The following MAPK1IP1L variants were observed in gnomAD, a reference collection of about 807,000 sequenced individuals.
MAPK1IP1L encodes the protein mitogen-activated protein kinase 1 interacting protein 1 like, also known as MAPK-interacting and spindle-stabilizing protein-like.
A neutral mutation model predicts 18.1 loss-of-function variants in MAPK1IP1L; 10 were observed. The ratio of observed to expected loss-of-function variants is 0.55; its 90% CI spans 0.34 to 0.94. The LOEUF (loss-of-function observed/expected upper bound fraction) is 0.94. MAPK1IP1L is among the 40% of genes least tolerant of loss of function. MAPK1IP1L has a pLI of 0.02. For synonymous variants in MAPK1IP1L, 115 were observed against 117.3 expected, an observed-to-expected ratio of 0.98 and a Z score of 0.13; for missense variants, 260 against 318.2, an observed-to-expected ratio of 0.82 and a Z score of 1.39.
Position 55,064,672 on chromosome 14 carries a change from T to A in MAPK1IP1L, c.*45T>A, listed in dbSNP as rs1193053857. 3 of 1,595,334 alleles carry A rather than the reference T, an allele frequency of 1.9e-6. No individual in the cohort carries two copies. The East Asian group carries it at 6.7e-5, about 36-fold the overall frequency. On this transcript the variant is annotated 3_prime_UTR_variant, in exon 4 of 4. Transcript: ENST00000395468. ...ATGACGCTTTGCTTTTTGAAGTACA[T>A]GTATATGCACATGAATGCATATATA...
intron 1 of MAPK1IP1L, among the ~76,000 whole-genome samples, chr14:55,054,043 T>C (rs977648861): frequency 2.6e-5 from 4 of 152,110 alleles, no homozygotes; most frequent in Admixed American, 6.6e-5. Flanking sequence ...ATGGTGGCAC[T>C]CAAAAAGATT....
At position 55,069,196 on chromosome 14, in the gene MAPK1IP1L, T is replaced by G. The variant is rs1413667594; in HGVS notation, c.*4569T>G. The stretch of plus-strand genomic sequence containing the variant: ...CATTAAGTGAACTTGACTTCTTATG[T>G]GTGCTCTATGAGTTTGTTGTAATTT... On this transcript the variant is annotated 3_prime_UTR_variant, in exon 4 of 4. Coordinates refer to ENST00000395468, the MANE Select transcript of MAPK1IP1L (RefSeq NM_144578.4). The G allele has an allele frequency of 2.0e-5, 3 of 152,500 alleles. No homozygotes were observed. The highest frequency in any genetic ancestry group is 7.2e-5 in the African/African-American group (3 of 41,448). 9.4% of individuals were successfully genotyped at this position (152,500 alleles called of 1,614,324 possible). A position where few individuals can be genotyped will look rare whatever the true frequency, so the allele number is the denominator to read the frequency against.
chr14:55,054,138 T>TA lies in MAPK1IP1L; in HGVS notation c.-5+2340dup, dbSNP rs529054323. Among the ~76,000 whole-genome samples the TA allele has an allele frequency of 3.3e-5, 5 of 150,996 alleles. No individual in the cohort carries two copies. In the East Asian group the frequency reaches 9.7e-4, roughly 29 times the overall value. On this transcript the variant is annotated intron_variant, in intron 1 of 3. Coordinates refer to ENST00000395468, the MANE Select transcript of MAPK1IP1L (RefSeq NM_144578.4). ...CATAAGCAGATAAATGAGCCAATAC[T>TA]AAAAACTAGCATGTATTCTAATTTA...
At chr14:55,060,968 G>T (rs529397330) in intron 1 of MAPK1IP1L, among the ~76,000 whole-genome samples, 1 of 152,224 alleles carries the variant, frequency 6.6e-6, no homozygotes, top group South Asian at 2.1e-4. Context: ...TGAGACACCT[G>T]TCTCTGCAAT....
At chr14:55,056,731 A>AAACTCCTGGCTAACTGACTTCGTG (rs1243029406) in intron 1 of MAPK1IP1L, among the ~76,000 whole-genome samples, 1 of 152,024 alleles carries the variant, frequency 6.6e-6, no homozygotes, top group East Asian at 1.9e-4. Flanking sequence ...GGATGGTCTC[A>AAACTCCTGGCTAACTGACTTCGTG]ATCTCCTGAC....
At position 55,062,707 on chromosome 14, in the gene MAPK1IP1L, C is replaced by A. The variant is rs778795479; in HGVS notation, c.108C>A (p.Gly36=). ...KPGQPPQGWP[G]SNPWNNPSAP... ...GCCAACCTCCTCAAGGCTGGCCAGG[C>A]TCCAACCCTTGGAATAATCCGAGTG... is the stretch of plus-strand genomic sequence containing the variant. Residue 36 remains glycine (G), a synonymous_variant, in exon 3 of 4, where the codon GGC becomes GGA. Transcript: ENST00000395468. The A allele has an allele frequency of 3.1e-6, 5 of 1,614,094 alleles. No homozygotes were observed. Among genetic ancestry groups the A allele is most frequent in the African/African-American group, 1.3e-5 (1 of 74,942 alleles).
chr14:55,063,335 CAATTT>C lies in MAPK1IP1L; in HGVS notation c.726+11_726+15del. ...GCCTGGTGGCCCCCATGTGAGTGTT[CAATTT>C]GTTATTTAAAGTGTACTAATTGTAC... is the stretch of plus-strand genomic sequence containing the variant. On this transcript the variant is annotated intron_variant, in intron 3 of 3. Coordinates refer to ENST00000395468, the MANE Select transcript of MAPK1IP1L (RefSeq NM_144578.4). 6.3e-7 allele frequency: 1 copy of C among 1,587,096 alleles called. No individual in the cohort carries two copies. Among genetic ancestry groups the C allele is most frequent in the Non-Finnish European group, 8.6e-7 (1 of 1,162,668 alleles).
At chr14:55,055,883 TCA>T (rs2042767525) in intron 1 of MAPK1IP1L, among the ~76,000 whole-genome samples, 1 of 152,160 alleles carries the variant, frequency 6.6e-6, no homozygotes, top group Non-Finnish European at 1.5e-5. Flanking sequence ...TGAGTCAAGA[TCA>T]CACTACTGCA....
chr14:55,063,193 C>T lies in MAPK1IP1L; in HGVS notation c.594C>T (p.Ala198=), dbSNP rs114757196. ...PVPWGTVPPG[A]WGPPAPYPAP... is the part of the protein sequence containing the mutation. ...CATGGGGCACCGTTCCACCAGGAGCCTGGGGACCACCAGCACCATATCCTG... is the reference window on the plus strand; with the variant it reads ...CATGGGGCACCGTTCCACCAGGAGCTTGGGGACCACCAGCACCATATCCTG... Residue 198 remains alanine, a synonymous_variant, in exon 3 of 4, where the codon GCC becomes GCT. Transcript: ENST00000395468. 1.2e-6 allele frequency: 2 copies of T among 1,614,170 alleles called. No individual in the cohort carries two copies. Among genetic ancestry groups the T allele is most frequent in the Non-Finnish European group, 1.7e-6 (2 of 1,180,036 alleles).
rs1032501893 is a variant in MAPK1IP1L at position 55,067,320 on chromosome 14, A to G, written c.*2693A>G. 1 of 151,964 alleles carries G rather than the reference A, an allele frequency of 6.6e-6. No individual in the cohort carries two copies. Among genetic ancestry groups the G allele is most frequent in the Non-Finnish European group, 1.5e-5 (1 of 68,002 alleles). 9.4% of individuals were successfully genotyped at this position (151,964 alleles called of 1,614,324 possible). Reference sequence around the variant, plus strand: ...TCAATTCTTGTTGGCATTCTGGGCCAAAATATTTCAGGTTGGTTCGGTGTG... The same window carrying G: ...TCAATTCTTGTTGGCATTCTGGGCCGAAATATTTCAGGTTGGTTCGGTGTG... On this transcript the variant is annotated 3_prime_UTR_variant, in exon 4 of 4. Transcript: ENST00000395468.
rs1208603468 is a variant in MAPK1IP1L, at chr14:55,062,926, C to T, written c.327C>T (p.Gly109=). 9.3e-6 allele frequency: 15 copies of T among 1,613,920 alleles called. No individual in the cohort carries two copies. The highest frequency in any genetic ancestry group is 1.7e-5 in the Admixed American group (1 of 59,990). The change falls in exon 3 of 4, where the codon GGC becomes GGT. Residue 109 remains glycine, a synonymous_variant. Coordinates refer to ENST00000395468, the MANE Select transcript of MAPK1IP1L (RefSeq NM_144578.4). ...CTTATCCAGCCCCAACTGTGCCGGG[C>T]CCTGGCCCCACAGGGCCATATCCTA... The part of the protein sequence containing the change: ...GGPYPAPTVP[G]PGPTGPYPTP...
At chr14:55,054,978 A>G (rs1474531589) in intron 1 of MAPK1IP1L, among the ~76,000 whole-genome samples, 3 of 152,270 alleles carry the variant, frequency 2.0e-5, no homozygotes, top group Non-Finnish European at 4.4e-5. Flanking sequence ...TAAAATGGTA[A>G]CAAAGTTTTG....
At chr14:55,062,482 G>T in intron 2 of MAPK1IP1L, 136 bp from the exon 3 acceptor site, 2 of 712,890 alleles carry the variant, frequency 2.8e-6, no homozygotes, top group South Asian at 4.1e-5. Flanking sequence ...TTTTTTAAAT[G>T]ACTAGCTTAG....
chr14:55,052,122 C>A (rs1190410193), intron 1 of MAPK1IP1L, among the ~76,000 whole-genome samples: 2 of 149,164 alleles, frequency 1.3e-5, no homozygotes, highest in East Asian at 4.0e-4. Flanking sequence ...GCCGGCCCCT[C>A]CCCCACCCCT....
chr14:55,052,778 A>C (rs2042741182), intron 1 of MAPK1IP1L, among the ~76,000 whole-genome samples: 1 of 152,242 alleles, frequency 6.6e-6, no homozygotes, highest in Non-Finnish European at 1.5e-5. Flanking sequence ...CCCACAATGC[A>C]AAGCGAGTTT....
chr14:55,068,903 T>C lies in MAPK1IP1L; in HGVS notation c.*4276T>C, dbSNP rs906232805. 6 of 152,234 alleles carry C rather than the reference T, an allele frequency of 3.9e-5. No homozygotes were observed. The highest frequency in any genetic ancestry group is 1.4e-4 in the African/African-American group (6 of 41,456). 9.4% of individuals were successfully genotyped at this position (152,234 alleles called of 1,614,324 possible). On this transcript the variant is annotated 3_prime_UTR_variant, in exon 4 of 4. Transcript: ENST00000395468. ...AGTCTATAAGTAACATTACAGAATT[T>C]GTTAGCATACCCATTCATTATTAGT...
Position 55,067,910 on chromosome 14 carries a change from A to T in MAPK1IP1L, c.*3283A>T, listed in dbSNP as rs2042877448. The T allele has an allele frequency of 6.6e-6, 1 of 152,188 alleles. No homozygotes were observed. The highest frequency in any genetic ancestry group is 1.5e-5 in the Non-Finnish European group (1 of 68,040). 9.4% of individuals were successfully genotyped at this position (152,188 alleles called of 1,614,324 possible). A position where few individuals can be genotyped will look rare whatever the true frequency, so the allele number is the denominator to read the frequency against. ...GGTGTTCAGGAATGCTGTTTCTTGGAGTTGGAAGCTTAGGTTTTGAAATGT... is the reference window on the plus strand; with the variant it reads ...GGTGTTCAGGAATGCTGTTTCTTGGTGTTGGAAGCTTAGGTTTTGAAATGT... On this transcript the variant is annotated 3_prime_UTR_variant, in exon 4 of 4. Coordinates refer to ENST00000395468, the MANE Select transcript of MAPK1IP1L (RefSeq NM_144578.4).
rs2042846786 is a variant in MAPK1IP1L, at chr14:55,064,493, A to G, written c.727-123A>G. On this transcript the variant is annotated intron_variant, in intron 3 of 3. Coordinates refer to ENST00000395468, the MANE Select transcript of MAPK1IP1L (RefSeq NM_144578.4). ...ATTTGTTTTGCAAAGTGTATGCCAG[A>G]GTAAATGATGTGACTTGCTGTTTGG... The G allele has an allele frequency of 1.5e-5, 11 of 756,902 alleles. No individual in the cohort carries two copies. In the South Asian group the frequency reaches 1.9e-4, roughly 13 times the overall value. 46.9% of individuals were successfully genotyped at this position (756,902 alleles called of 1,614,324 possible).
At chr14:55,052,015 C>T (rs1191408989) in intron 1 of MAPK1IP1L, among the ~76,000 whole-genome samples, 3 of 152,190 alleles carry the variant, frequency 2.0e-5, no homozygotes, top group Non-Finnish European at 2.9e-5. Context: ...CTGGGGATCG[C>T]CCCCCAGGGA....
Sources: gnomAD v4.1 joint callset for allele counts (sites outside exome capture counted in the v4.1 genomes callset) on GRCh38, gnomAD v4.1.1 for gene constraint, MANE v1.5 for transcripts, NCBI Gene and HGNC (gene_info 2026-07-23, HGNC 2026-07-21) for gene names.